PALLD: variants seen among roughly 807,000 people sequenced by gnomAD.
The protein encoded by PALLD is palladin, cytoskeletal associated protein.
A neutral mutation model predicts 123.5 loss-of-function variants in PALLD; 61 were observed. The ratio of observed to expected loss-of-function variants is 0.49; its 90% CI spans 0.40 to 0.61. The LOEUF is 0.61. Ranked by LOEUF, PALLD falls within the 20% of genes least tolerant of loss-of-function variation. The pLI is 0.00. For missense variants in PALLD, 1,273 were observed against 1,377.0 expected (o/e 0.92, Z 1.20); for synonymous variants, 465 against 496.4 (o/e 0.94, Z 0.84).
intron 2 of PALLD, among the ~76,000 whole-genome samples, chr4:168,602,307 A>G (rs576078320): frequency 6.6e-6 from 1 of 152,234 alleles, no homozygotes; most frequent in South Asian, 2.1e-4. Flanking sequence ...AACACTAGAA[A>G]CAAACACTGA....
At chr4:168,757,156 T>G (rs563251454) in intron 10 of PALLD, among the ~76,000 whole-genome samples, 1 of 152,134 alleles carries the variant, frequency 6.6e-6, no homozygotes. Flanking sequence ...GTAGACACCA[T>G]GAAATACAAA....
At chr4:168,789,667 G>A (rs1737224399) in intron 10 of PALLD, among the ~76,000 whole-genome samples, 1 of 147,340 alleles carries the variant, frequency 6.8e-6, no homozygotes. Context: ...TCGTGCCACT[G>A]CATTCCAGCC....
chr4:168,565,599 C>A (rs959383636), intron 2 of PALLD, among the ~76,000 whole-genome samples: 5 of 152,036 alleles, frequency 3.3e-5, no homozygotes, highest in African/African-American at 1.2e-4. Context: ...GGTCTAATGT[C>A]ATCTGGAGGT....
chr4:168,546,054 G>T (rs1348630921), intron 2 of PALLD, among the ~76,000 whole-genome samples: 2 of 152,088 alleles, frequency 1.3e-5, no homozygotes, highest in Admixed American at 6.6e-5. Context: ...GAAATTTAGG[G>T]GTAGCTCTTT....
At chr4:168,511,287 T>G in intron 1 of PALLD, 136 bp from the exon 2 acceptor site, 1 of 552,232 alleles carries the variant, frequency 1.8e-6, no homozygotes, top group Non-Finnish European at 3.2e-6. Flanking sequence ...ATACTTGATA[T>G]TTCTTCCAAC....
At chr4:168,734,307 T>C (rs531004566) in intron 10 of PALLD, among the ~76,000 whole-genome samples, 1 of 152,158 alleles carries the variant, frequency 6.6e-6, no homozygotes, top group South Asian at 2.1e-4. Context: ...AAGTTATCTG[T>C]GTTCAGTAGG....
rs1209788707 is a variant in PALLD, at chr4:168,635,441, A to T, written c.909-32749A>T. ...CTACCACAAACTGGCACAGTAAACCACCTATTACCTCTGAACAGGTTCCCA... is the reference window on the plus strand; with the variant it reads ...CTACCACAAACTGGCACAGTAAACCTCCTATTACCTCTGAACAGGTTCCCA... On this transcript the variant is annotated intron_variant, in intron 2 of 21. Transcript: ENST00000505667. Among the ~76,000 whole-genome samples the T allele has an allele frequency of 6.6e-5, 10 of 152,266 alleles. No homozygotes were observed. In the East Asian group the frequency reaches 1.5e-3, roughly 23 times the overall value.
chr4:168,789,818 G>A (rs528856432), intron 10 of PALLD, among the ~76,000 whole-genome samples: 12 of 152,136 alleles, frequency 7.9e-5, no homozygotes, highest in Non-Finnish European at 1.8e-4. Context: ...CTAGCAGAGT[G>A]TACTTACCCT....
chr4:168,919,821 A>G (rs569132801), intron 17 of PALLD, among the ~76,000 whole-genome samples: 179 of 152,308 alleles, frequency 1.2e-3, no homozygotes, highest in South Asian at 2.1e-3. Context: ...TTACATTGTG[A>G]CCTGCTGGTG....
chr4:168,654,163 G>A (rs1778331924), intron 2 of PALLD, among the ~76,000 whole-genome samples: 1 of 152,168 alleles, frequency 6.6e-6, no homozygotes, highest in East Asian at 1.9e-4. Flanking sequence ...GCAAACAAAG[G>A]AACGATTATA....
At chr4:168,794,475 C>T (rs1472862507) in intron 10 of PALLD, among the ~76,000 whole-genome samples, 2 of 147,442 alleles carry the variant, frequency 1.4e-5, no homozygotes, top group African/African-American at 5.0e-5. Context: ...CGTACGTGCA[C>T]ACGCACACAC....
At chr4:168,555,302 A>C (rs938381508) in intron 2 of PALLD, among the ~76,000 whole-genome samples, 4 of 152,224 alleles carry the variant, frequency 2.6e-5, no homozygotes, top group African/African-American at 7.2e-5. Context: ...CAGAAACCAA[A>C]GAAGACTAAA....
intron 2 of PALLD, among the ~76,000 whole-genome samples, chr4:168,621,774 G>A (rs748631843): frequency 1.1e-4 from 17 of 152,086 alleles, no homozygotes; most frequent in African/African-American, 1.7e-4. Flanking sequence ...TTTGTTAGGC[G>A]GCAGATAAGC....
chr4:168,510,173 G>T (rs942086858), intron 1 of PALLD, among the ~76,000 whole-genome samples: 2 of 152,132 alleles, frequency 1.3e-5, no homozygotes, highest in African/African-American at 4.8e-5. Context: ...AGTACTCTAT[G>T]AACAATATAT....
intron 10 of PALLD, among the ~76,000 whole-genome samples, chr4:168,835,399 G>A (rs189855367): frequency 1.2e-4 from 18 of 152,208 alleles, no homozygotes; most frequent in South Asian, 2.1e-4. Flanking sequence ...TACTATATAC[G>A]TATTGGCTCA....
intron 10 of PALLD, among the ~76,000 whole-genome samples, chr4:168,827,013 T>G (rs1743508103): frequency 6.6e-6 from 1 of 152,204 alleles, no homozygotes; most frequent in Non-Finnish European, 1.5e-5. Flanking sequence ...CTCAGCCTGT[T>G]TTTTGTTTAT....
At chr4:168,635,319 G>A (rs1776233442) in intron 2 of PALLD, among the ~76,000 whole-genome samples, 1 of 152,172 alleles carries the variant, frequency 6.6e-6, no homozygotes, top group African/African-American at 2.4e-5. Flanking sequence ...GAGACCAGGG[G>A]CTCCTTCTCA....
intron 10 of PALLD, among the ~76,000 whole-genome samples, chr4:168,885,969 C>T (rs1753280040): frequency 6.6e-6 from 1 of 152,150 alleles, no homozygotes; most frequent in African/African-American, 2.4e-5. Flanking sequence ...TATGTACAAA[C>T]ATAAATTAGT....
chr4:168,874,754 G>C (rs987079544), intron 10 of PALLD, among the ~76,000 whole-genome samples: 1 of 152,108 alleles, frequency 6.6e-6, no homozygotes, highest in Non-Finnish European at 1.5e-5. Flanking sequence ...TGGCTCTGCA[G>C]GTAACTTGCT....
Sources: gnomAD v4.1 joint callset for allele counts (sites outside exome capture counted in the v4.1 genomes callset) on GRCh38, gnomAD v4.1.1 for gene constraint, MANE v1.5 for transcripts, NCBI Gene and HGNC (gene_info 2026-07-23, HGNC 2026-07-21) for gene names.